MIER3: variants seen among roughly 807,000 people sequenced by gnomAD.
The protein encoded by MIER3 is MIER family member 3, also known as mesoderm induction early response protein 3.
Under a neutral mutation model 63.2 loss-of-function variants are expected in MIER3, and 9 were observed. The observed-to-expected ratio is 0.14, with a 90% confidence interval of 0.09 to 0.25. MIER3 has a LOEUF of 0.25. Among genes scored for constraint, MIER3 ranks in the 10% least tolerant of loss-of-function variants. The pLI is 1.00. For synonymous variants in MIER3, 205 were observed against 224.9 expected, an observed-to-expected ratio of 0.91 and a Z score of 0.79; for missense variants, 512 against 666.2, an observed-to-expected ratio of 0.77 and a Z score of 2.55.
At chr5:56,924,075 C>A (rs778642211) in intron 10 of MIER3, 33 bp from the exon 11 acceptor site, 2 of 1,587,644 alleles carry the variant, frequency 1.3e-6, no homozygotes, top group African/African-American at 2.7e-5. Flanking sequence ...AAAAAACCAA[C>A]AAACTCAACC....
At position 56,928,981 on chromosome 5, in the gene MIER3, A is replaced by G. The variant is rs252892; in HGVS notation, c.830-120T>C. The G allele has an allele frequency of 3.8e-5, 18 of 469,248 alleles. No homozygotes were observed. In the African/African-American group the frequency reaches 6.3e-4, roughly 16 times the overall value. 29.1% of individuals were successfully genotyped at this position (469,248 alleles called of 1,614,324 possible). A position where few individuals can be genotyped will look rare whatever the true frequency, so the allele number is the denominator to read the frequency against. On this transcript the variant is annotated intron_variant, in intron 9 of 12. Transcript: ENST00000381199. The stretch of plus-strand genomic sequence containing the variant: ...CTCTCTCTCTCTCTCACACACACAC[A>G]CTCTCTCTCTCACACACACACACAC...
chr5:56,937,448 T>C (rs1287786064), intron 5 of MIER3, 130 bp downstream of exon 5: 2 of 911,042 alleles, frequency 2.2e-6, no homozygotes, highest in East Asian at 3.1e-5. Flanking sequence ...CTTGTTTAAA[T>C]TATAGAAGTA....
intron 10 of MIER3, among the ~76,000 whole-genome samples, chr5:56,927,575 T>C (rs529062052): frequency 6.6e-6 from 1 of 152,314 alleles, no homozygotes; most frequent in African/African-American, 2.4e-5. Context: ...GAATAGACTT[T>C]AGTTTTTAAG....
At chr5:56,947,767 A>T (rs1049514501) in intron 2 of MIER3, among the ~76,000 whole-genome samples, 2 of 152,166 alleles carry the variant, frequency 1.3e-5, no homozygotes, top group Admixed American at 6.5e-5. Context: ...ACAGAAAATC[A>T]CATCTGAAGG....
At chr5:56,943,842 G>A (rs938218474) in intron 3 of MIER3, among the ~76,000 whole-genome samples, 1 of 152,128 alleles carries the variant, frequency 6.6e-6, no homozygotes, top group African/African-American at 2.4e-5. Context: ...ACCTTATCCC[G>A]GGTATAAGGA....
At chr5:56,943,869 C>A (rs1160369249) in intron 3 of MIER3, among the ~76,000 whole-genome samples, 2 of 152,286 alleles carry the variant, frequency 1.3e-5, no homozygotes, top group South Asian at 4.1e-4. Flanking sequence ...TCTTCCTCTT[C>A]TTGGGTATTT....
At chr5:56,946,599 AG>A (rs1000028732) in intron 3 of MIER3, among the ~76,000 whole-genome samples, 2 of 152,168 alleles carry the variant, frequency 1.3e-5, no homozygotes, top group African/African-American at 4.8e-5. Flanking sequence ...GACCCTTAGC[AG>A]AATAGTAGTT....
At chr5:56,941,682 G>A (rs1222127658) in intron 3 of MIER3, 11 of 152,218 alleles carry the variant, frequency 7.2e-5, no homozygotes, top group Non-Finnish European at 1.6e-4. Context: ...CATTCCCAGG[G>A]CAATGAGGAG....
Position 56,922,223 on chromosome 5 carries a change from T to A in MIER3, c.*905A>T, listed in dbSNP as rs1749704653. 2 of 152,648 alleles carry A rather than the reference T, an allele frequency of 1.3e-5. No individual in the cohort carries two copies. The highest frequency in any genetic ancestry group is 2.4e-5 in the African/African-American group (1 of 41,466). 9.5% of individuals were successfully genotyped at this position (152,648 alleles called of 1,614,324 possible). Reference sequence around the variant, plus strand: ...GCAACATCCTAGGCTTTGTAGACTGTGCCTCTGCAAGTCGACTGCCTCAGG... The same window carrying A: ...GCAACATCCTAGGCTTTGTAGACTGAGCCTCTGCAAGTCGACTGCCTCAGG... On this transcript the variant is annotated 3_prime_UTR_variant, in exon 13 of 13. Coordinates refer to ENST00000381199, the MANE Select transcript of MIER3 (RefSeq NM_001297599.2).
intron 3 of MIER3, among the ~76,000 whole-genome samples, chr5:56,945,740 C>A (rs1417089557): frequency 6.6e-6 from 1 of 152,124 alleles, no homozygotes; most frequent in African/African-American, 2.4e-5. Flanking sequence ...TTACTATGAA[C>A]ATAAAAACTT....
chr5:56,923,040 C>T lies in MIER3; in HGVS notation c.*88G>A. ...CACTGATGTCATAGTGAGAAAGGTTCAAACTTCCAGTGAAAGACTATGCAA... is the reference window on the plus strand; with the variant it reads ...CACTGATGTCATAGTGAGAAAGGTTTAAACTTCCAGTGAAAGACTATGCAA... On this transcript the variant is annotated 3_prime_UTR_variant, in exon 13 of 13. Coordinates refer to ENST00000381199, the MANE Select transcript of MIER3 (RefSeq NM_001297599.2). The T allele has an allele frequency of 9.1e-7, 1 of 1,104,488 alleles. No individual in the cohort carries two copies. Among genetic ancestry groups the T allele is most frequent in the East Asian group, 2.6e-5 (1 of 39,152 alleles). The allele number at this position is 1,104,488 out of a possible 1,614,324, so 68.4% of individuals were successfully genotyped here.
In MIER3 at chr5:56,952,085, C is replaced by A; in HGVS notation, c.9+9G>T. ...AGCCCGGCTGCTCCTGCCCGGTTTCCCTGCTCACCTCCGCCATATTGGTAC... is the reference window on the plus strand; with the variant it reads ...AGCCCGGCTGCTCCTGCCCGGTTTCACTGCTCACCTCCGCCATATTGGTAC... On this transcript the variant is annotated intron_variant, in intron 1 of 12. Transcript: ENST00000381199. The A allele has an allele frequency of 7.7e-7, 1 of 1,303,550 alleles. No individual in the cohort carries two copies. Among genetic ancestry groups the A allele is most frequent in the Non-Finnish European group, 9.9e-7 (1 of 1,008,306 alleles). 80.7% of individuals were successfully genotyped at this position (1,303,550 alleles called of 1,614,324 possible). A position where few individuals can be genotyped will look rare whatever the true frequency, so the allele number is the denominator to read the frequency against.
chr5:56,936,549 C>CA (rs1750453534), intron 5 of MIER3, among the ~76,000 whole-genome samples: 1 of 152,148 alleles, frequency 6.6e-6, no homozygotes. Context: ...CTCACTCTGT[C>CA]ACCCAGGCTG....
At position 56,920,108 on chromosome 5, in the gene MIER3, A is replaced by G. The variant is rs1299368274; in HGVS notation, c.*3020T>C. 1 of 152,610 alleles carries G rather than the reference A, an allele frequency of 6.6e-6. No homozygotes were observed. Among genetic ancestry groups the G allele is most frequent in the Admixed American group, 6.5e-5 (1 of 15,280 alleles). The allele number at this position is 152,610 out of a possible 1,614,324, so 9.5% of individuals were successfully genotyped here. ...GCTCTATTAGATCTGATGTTCTCAA[A>G]TATTTATGAGCCTCAACATTTTAAA... is the stretch of plus-strand genomic sequence containing the variant. On this transcript the variant is annotated 3_prime_UTR_variant, in exon 13 of 13. Transcript: ENST00000381199.
intron 10 of MIER3, among the ~76,000 whole-genome samples, chr5:56,925,100 C>T (rs1749898019): frequency 6.6e-6 from 1 of 152,076 alleles, no homozygotes. Flanking sequence ...TTTCATAAGT[C>T]ATTACAAAAC....
chr5:56,928,799 C>CA lies in MIER3; in HGVS notation c.891dup (p.Gly298TrpfsTer11), dbSNP rs1750127445. 1 of 1,613,404 alleles carries CA rather than the reference C, an allele frequency of 6.2e-7. No homozygotes were observed. The highest frequency in any genetic ancestry group is 1.1e-5 in the South Asian group (1 of 90,950). The stretch of plus-strand genomic sequence containing the variant: ...TTCTGTATAAGATGAAAATCTTTTC[C>CA]AAAAAGCATGAGTGCATGTTCAAAG... On this transcript the variant is annotated frameshift_variant, in exon 10 of 13. Transcript: ENST00000381199. LOFTEE classifies it high-confidence loss of function.
At chr5:56,939,664 C>T (rs888199959) in intron 3 of MIER3, among the ~76,000 whole-genome samples, 6 of 152,186 alleles carry the variant, frequency 3.9e-5, no homozygotes, top group Non-Finnish European at 7.3e-5. Context: ...ACTGGCTGCA[C>T]TGCTTTAATA....
At chr5:56,931,764 G>T (rs1158973828) in intron 8 of MIER3, among the ~76,000 whole-genome samples, 2 of 151,862 alleles carry the variant, frequency 1.3e-5, no homozygotes, top group Non-Finnish European at 2.9e-5. Context: ...CATAAAGCAG[G>T]AATAATAATG....
chr5:56,948,699 A>T (rs1174594835), intron 2 of MIER3, among the ~76,000 whole-genome samples: 3 of 152,204 alleles, frequency 2.0e-5, no homozygotes, highest in Non-Finnish European at 2.9e-5. Context: ...AAAAGAAATA[A>T]GAATATTTAT....
Sources: allele counts gnomAD v4.1 joint callset (sites outside exome capture counted in the v4.1 genomes callset), GRCh38; gene constraint gnomAD v4.1.1; transcripts MANE v1.5; gene names NCBI Gene and HGNC (gene_info 2026-07-23, HGNC 2026-07-21).